The following MANBA variants were observed in gnomAD, a reference collection of about 807,000 sequenced individuals.
MANBA encodes beta-mannosidase.
A neutral mutation model predicts 111.1 loss-of-function variants in MANBA; 83 were observed. The ratio of observed to expected loss-of-function variants is 0.75; its 90% CI spans 0.63 to 0.90. MANBA has a LOEUF of 0.90. Among genes scored for constraint, MANBA ranks in the 40% least tolerant of loss-of-function variants. The pLI, the probability that MANBA is intolerant of heterozygous loss-of-function variation, is 0.00. For missense variants in MANBA, 1,036 were observed against 1,069.0 expected (o/e 0.97, Z 0.43); for synonymous variants, 370 against 378.7 (o/e 0.98, Z 0.27).
At chr4:102,715,892 A>G (rs1052824143) in intron 4 of MANBA, among the ~76,000 whole-genome samples, 6 of 152,232 alleles carry the variant, frequency 3.9e-5, no homozygotes, top group African/African-American at 1.4e-4. Context: ...TATTCTTCAA[A>G]TGCTTACTAC....
At chr4:102,636,276 A>C (rs913172056) in intron 14 of MANBA, among the ~76,000 whole-genome samples, 2 of 152,238 alleles carry the variant, frequency 1.3e-5, no homozygotes, top group Admixed American at 1.3e-4. Context: ...TTGTGTGATC[A>C]TAGAGTGTAC....
intron 12 of MANBA, among the ~76,000 whole-genome samples, chr4:102,656,211 T>C (rs1030526306): frequency 2.6e-5 from 4 of 151,950 alleles, no homozygotes; most frequent in Non-Finnish European, 5.9e-5. Flanking sequence ...CCGTGACCAC[T>C]CCACTGCACA....
At chr4:102,661,856 AG>A (rs1415504290) in intron 11 of MANBA, among the ~76,000 whole-genome samples, 1 of 152,258 alleles carries the variant, frequency 6.6e-6, no homozygotes, top group Non-Finnish European at 1.5e-5. Context: ...GGCCATAAAA[AG>A]AAAGCATGTG....
intron 1 of MANBA, chr4:102,730,210 TAG>T (rs1560803031): frequency 3.2e-6 from 2 of 624,534 alleles, no homozygotes; most frequent in Non-Finnish European, 5.5e-6. Flanking sequence ...CCGAACCAGA[TAG>T]AGATCCCAGA....
intron 1 of MANBA, among the ~76,000 whole-genome samples, chr4:102,735,847 T>C (rs528540572): frequency 4.6e-5 from 7 of 152,286 alleles, no homozygotes; most frequent in African/African-American, 1.4e-4. Context: ...TACCATTTAA[T>C]AGAGGAAGAA....
At chr4:102,672,089 G>A (rs1578889058) in intron 8 of MANBA, 1 of 398,628 alleles carries the variant, frequency 2.5e-6, no homozygotes, top group Non-Finnish European at 4.4e-6. Flanking sequence ...AAAGGAAAAA[G>A]ATAGAGCCAA....
At chr4:102,677,180 T>A (rs1344548287) in intron 7 of MANBA, among the ~76,000 whole-genome samples, 1 of 152,184 alleles carries the variant, frequency 6.6e-6, no homozygotes, top group African/African-American at 2.4e-5. Context: ...CAAACGATGG[T>A]TATTCAGACT....
rs147208437 is a variant in MANBA, at chr4:102,721,648, G to C, written c.549+1223C>G. On this transcript the variant is annotated intron_variant, in intron 4 of 16. Transcript: ENST00000647097. Reference sequence around the variant, plus strand: ...CATGGATGAATCATGAGGAAATTATGCTAAGTGAAATAAGTCAGTCACAAA... The same window carrying C: ...CATGGATGAATCATGAGGAAATTATCCTAAGTGAAATAAGTCAGTCACAAA... 5.4e-3 allele frequency among the ~76,000 whole-genome samples: 827 copies of C among 152,312 alleles called. 4 individuals carry two copies. Among genetic ancestry groups the C allele is most frequent in the Non-Finnish European group, 8.5e-3 (577 of 68,024 alleles).
At chr4:102,645,671 G>A (rs1037776419) in intron 13 of MANBA, among the ~76,000 whole-genome samples, 5 of 152,000 alleles carry the variant, frequency 3.3e-5, no homozygotes, top group African/African-American at 1.2e-4. Flanking sequence ...CCATATAATT[G>A]TGTATATATT....
At chr4:102,685,136 T>C (rs1415511052) in intron 7 of MANBA, among the ~76,000 whole-genome samples, 1 of 152,118 alleles carries the variant, frequency 6.6e-6, no homozygotes, top group Non-Finnish European at 1.5e-5. Flanking sequence ...ACAGGGGTCA[T>C]TACTGGGGAG....
At chr4:102,696,064 A>G (rs113429848) in intron 5 of MANBA, among the ~76,000 whole-genome samples, 1,673 of 152,134 alleles carry the variant, frequency 0.011, 29 homozygotes, top group African/African-American at 0.038. Context: ...CCCATCTCTA[A>G]AAATAATTTT....
Position 102,657,796 on chromosome 4 carries a change from A to G in MANBA, c.1590T>C (p.Asp530=), listed in dbSNP as rs1411332374. 1 of 1,613,768 alleles carries G rather than the reference A, an allele frequency of 6.2e-7. No homozygotes were observed. Among genetic ancestry groups the G allele is most frequent in the Non-Finnish European group, 8.5e-7 (1 of 1,179,630 alleles). The change falls in exon 12 of 17, where the codon GAT becomes GAC. Residue 530 remains aspartate, a synonymous_variant. Transcript: ENST00000647097. ...CACTGATATAGTCATAAAAATGTAC[A>G]TCACCAAAATAATTGCTATTAGGGT... ...SQNPNSNYFG[D]VHFYDYISDC... is the part of the protein sequence containing the mutation.
chr4:102,732,106 T>G (rs1723054220), intron 1 of MANBA, among the ~76,000 whole-genome samples: 1 of 152,160 alleles, frequency 6.6e-6, no homozygotes, highest in African/African-American at 2.4e-5. Context: ...ACATGGGTTT[T>G]CACCATGTTG....
At chr4:102,734,596 A>G in intron 1 of MANBA, 2 of 1,605,818 alleles carry the variant, frequency 1.2e-6, no homozygotes, top group South Asian at 2.2e-5. Context: ...CCCAAGAAAG[A>G]GACCAAGAAG....
intron 5 of MANBA, among the ~76,000 whole-genome samples, chr4:102,700,730 G>T (rs975911633): frequency 6.6e-5 from 10 of 152,066 alleles, no homozygotes; most frequent in African/African-American, 2.4e-4. Flanking sequence ...GAGATAGTTT[G>T]TTATAATTTA....
rs536569468 is a variant in MANBA, at chr4:102,699,703, G to A, written c.674-8932C>T. Among the ~76,000 whole-genome samples, 276 of 150,956 alleles carry A rather than the reference G, an allele frequency of 1.8e-3. 3 individuals carry two copies. The highest frequency in any genetic ancestry group is 6.3e-3 in the African/African-American group (259 of 40,888). ...TGAACCAGCCTTGCATCCCAGGGAT[G>A]AAGCCCACTTGATCATGGTGGATAA... is the stretch of plus-strand genomic sequence containing the variant. On this transcript the variant is annotated intron_variant, in intron 5 of 16. Coordinates refer to ENST00000647097, the MANE Select transcript of MANBA (RefSeq NM_005908.4).
Position 102,730,494 on chromosome 4 carries a change from C to T in MANBA, c.178-3811G>A, listed in dbSNP as rs1426935482. 5.7e-6 allele frequency: 3 copies of T among 528,914 alleles called. No homozygotes were observed. In the Admixed American group the frequency reaches 5.8e-5, roughly 10 times the overall value. 32.8% of individuals were successfully genotyped at this position (528,914 alleles called of 1,614,324 possible). On this transcript the variant is annotated intron_variant, in intron 1 of 16. Coordinates refer to ENST00000647097, the MANE Select transcript of MANBA (RefSeq NM_005908.4). ...GGGGGCGGTTCCTGGGGCAGCTCGT[C>T]CCTAACAGTAACAACATTGATTCTA...
chr4:102,684,118 A>C (rs1732102860), intron 7 of MANBA, among the ~76,000 whole-genome samples: 1 of 152,186 alleles, frequency 6.6e-6, no homozygotes, highest in Non-Finnish European at 1.5e-5. Context: ...TAAAAAAAAA[A>C]AAAATCCTAA....
intron 8 of MANBA, 77 bp from the exon 9 acceptor site, chr4:102,671,475 C>A: frequency 1.2e-6 from 1 of 865,498 alleles, no homozygotes; most frequent in Non-Finnish European, 1.9e-6. Flanking sequence ...CATTTCTAAT[C>A]TGTTAGAAAA....
Sources: gnomAD v4.1 joint callset for allele counts (sites outside exome capture counted in the v4.1 genomes callset) on GRCh38, gnomAD v4.1.1 for gene constraint, MANE v1.5 for transcripts, NCBI Gene and HGNC (gene_info 2026-07-23, HGNC 2026-07-21) for gene names.